KHDRBS2: variants seen among roughly 807,000 people sequenced by gnomAD.
KHDRBS2 encodes KH domain-containing, RNA-binding, signal transduction-associated protein 2.
KHDRBS2 carries 26 observed loss-of-function variants against 44.3 expected under a neutral mutation model. That is an observed-to-expected ratio of 0.59 (90% confidence interval 0.43 to 0.81). KHDRBS2 has a LOEUF of 0.81. Among genes scored for constraint, KHDRBS2 ranks in the 40% least tolerant of loss-of-function variants. KHDRBS2 has a pLI of 0.00. For missense variants in KHDRBS2, 476 were observed against 433.1 expected (o/e 1.10, Z -0.88); for synonymous variants, 194 against 151.1 (o/e 1.28, Z -2.08).
chr6:61,965,078 G>A (rs377490609), intron 4 of KHDRBS2, among the ~76,000 whole-genome samples: 5 of 152,166 alleles, frequency 3.3e-5, no homozygotes, highest in African/African-American at 1.2e-4. Flanking sequence ...TTGGAAAAGA[G>A]GAGTTTGATG....
intron 7 of KHDRBS2, among the ~76,000 whole-genome samples, chr6:61,720,154 C>T (rs1261000939): frequency 6.6e-6 from 1 of 152,164 alleles, no homozygotes; most frequent in Non-Finnish European, 1.5e-5. Flanking sequence ...ATATGTGCCA[C>T]GTTTTCTTAA....
rs1281653497 is a variant in KHDRBS2, at chr6:61,894,698, C to G, written c.747G>C (p.Gly249=). The G allele has an allele frequency of 1.2e-6, 2 of 1,613,248 alleles. No homozygotes were observed. ...ARGVPTPRAR[G]APTVPGYRAP... is the part of the protein sequence containing the mutation. ...CCCTGTATCCTGGCACTGTTGGTGC[C>G]CCCCGGGCTCGAGGGGTAGGGACAC... Residue 249 remains glycine, a synonymous_variant, in exon 6 of 9, where the codon GGG becomes GGC. Transcript: ENST00000281156.
chr6:62,050,819 T>C (rs1376921630), intron 2 of KHDRBS2, among the ~76,000 whole-genome samples: 2 of 152,034 alleles, frequency 1.3e-5, no homozygotes, highest in Non-Finnish European at 2.9e-5. Flanking sequence ...TAAAAACATA[T>C]GTTCATAAAA....
In KHDRBS2 at chr6:61,929,665, G is replaced by T. The variant is rs140029335; in HGVS notation, c.484-28294C>A. On this transcript the variant is annotated intron_variant, in intron 4 of 8. Transcript: ENST00000281156. Reference sequence around the variant, plus strand: ...ATGCACTAGTTTAGTATGACCCTCTGATGTTATTAAGTTCCTGAAATATAA... The same window carrying T: ...ATGCACTAGTTTAGTATGACCCTCTTATGTTATTAAGTTCCTGAAATATAA... Among the ~76,000 whole-genome samples the T allele has an allele frequency of 2.5e-3, 377 of 152,200 alleles. 3 individuals are homozygous for T. Among genetic ancestry groups the T allele is most frequent in the African/African-American group, 8.5e-3 (351 of 41,514 alleles).
chr6:61,896,343 T>C (rs1172555957), intron 5 of KHDRBS2, among the ~76,000 whole-genome samples: 2 of 152,208 alleles, frequency 1.3e-5, no homozygotes, highest in African/African-American at 4.8e-5. Context: ...TACCCTTGAA[T>C]AGTCATGGGT....
At chr6:61,768,006 C>T (rs1780258955) in intron 6 of KHDRBS2, among the ~76,000 whole-genome samples, 1 of 152,038 alleles carries the variant, frequency 6.6e-6, no homozygotes, top group African/African-American at 2.4e-5. Context: ...TTGGTAAAGT[C>T]CTTTTCTTTC....
At chr6:62,041,356 A>G (rs1786468615) in intron 3 of KHDRBS2, among the ~76,000 whole-genome samples, 1 of 152,120 alleles carries the variant, frequency 6.6e-6, no homozygotes, top group Non-Finnish European at 1.5e-5. Flanking sequence ...AAAAAATTTC[A>G]GATCAGCAGT....
At chr6:61,728,233 A>G (rs1171341320) in intron 7 of KHDRBS2, among the ~76,000 whole-genome samples, 1 of 152,112 alleles carries the variant, frequency 6.6e-6, no homozygotes, top group Non-Finnish European at 1.5e-5. Flanking sequence ...CGGGGAGCTA[A>G]ATGATGAGAA....
intron 2 of KHDRBS2, among the ~76,000 whole-genome samples, chr6:62,073,683 C>G (rs1795755659): frequency 6.6e-6 from 1 of 151,294 alleles, no homozygotes; most frequent in Non-Finnish European, 1.5e-5. Context: ...TTAATATAGG[C>G]ATTTATTGTG....
chr6:62,188,910 T>A (rs1824012975), intron 1 of KHDRBS2, among the ~76,000 whole-genome samples: 2 of 152,138 alleles, frequency 1.3e-5, no homozygotes, highest in Admixed American at 1.3e-4. Context: ...GGTCAGGAGT[T>A]CAAAACCTGC....
chr6:61,854,517 A>T (rs1216351625), intron 6 of KHDRBS2, among the ~76,000 whole-genome samples: 1 of 152,160 alleles, frequency 6.6e-6, no homozygotes, highest in Admixed American at 6.6e-5. Context: ...AAAATGTTTT[A>T]AAAAAGCACA....
chr6:62,027,772 G>A (rs1185395245), intron 3 of KHDRBS2, among the ~76,000 whole-genome samples: 2 of 152,056 alleles, frequency 1.3e-5, no homozygotes, highest in African/African-American at 4.8e-5. Context: ...GTGGTGGGAG[G>A]GTGCCGTGCC....
intron 2 of KHDRBS2, among the ~76,000 whole-genome samples, chr6:62,127,340 C>A (rs931799674): frequency 1.3e-5 from 2 of 151,886 alleles, no homozygotes; most frequent in East Asian, 1.9e-4. Context: ...ATAAAAAAAA[C>A]AAACTTTGGC....
intron 6 of KHDRBS2, among the ~76,000 whole-genome samples, chr6:61,745,763 GTT>G (rs1175641696): frequency 6.6e-6 from 1 of 152,140 alleles, no homozygotes; most frequent in African/African-American, 2.4e-5. Context: ...GAGGAGAGTT[GTT>G]GTTTCTAAAA....
At chr6:61,893,583 G>A (rs1430702481) in intron 6 of KHDRBS2, among the ~76,000 whole-genome samples, 2 of 152,144 alleles carry the variant, frequency 1.3e-5, no homozygotes, top group African/African-American at 4.8e-5. Flanking sequence ...AAAATGATGA[G>A]TTCATGTCCT....
Position 61,901,236 on chromosome 6 carries a change from G to A in KHDRBS2, c.611+8C>T. Reference sequence around the variant, plus strand: ...TCCTTAATTTATTTAAAGTAAGAATGAATGTACCTTGAAGGAGCTGTGGGA... The same window carrying A: ...TCCTTAATTTATTTAAAGTAAGAATAAATGTACCTTGAAGGAGCTGTGGGA... On this transcript the variant is annotated splice_region_variant and intron_variant, in intron 5 of 8. Coordinates refer to ENST00000281156, the MANE Select transcript of KHDRBS2 (RefSeq NM_152688.4). The A allele has an allele frequency of 6.2e-7, 1 of 1,601,126 alleles. No homozygotes were observed.
chr6:61,667,423 TAAG>T, the KHDRBS2 span, among the ~76,000 whole-genome samples: 10 of 151,236 alleles, frequency 6.6e-5, no homozygotes, highest in Non-Finnish European at 1.3e-4. Context: ...AAACAGTACA[TAAG>T]AAGTATTTTA....
the KHDRBS2 span, among the ~76,000 whole-genome samples, chr6:61,562,193 G>A: frequency 2.0e-5 from 3 of 152,074 alleles, no homozygotes; most frequent in South Asian, 4.1e-4. Context: ...TAGGAAAATC[G>A]ACAGTCTGTG....
chr6:61,699,625 G>A (rs1768339815), intron 7 of KHDRBS2, among the ~76,000 whole-genome samples: 1 of 151,948 alleles, frequency 6.6e-6, no homozygotes, highest in Non-Finnish European at 1.5e-5. Context: ...ATCCCACAAA[G>A]CAATTCCATA....
Sources: allele counts gnomAD v4.1 joint callset (sites outside exome capture counted in the v4.1 genomes callset), GRCh38; gene constraint gnomAD v4.1.1; transcripts MANE v1.5; gene names NCBI Gene and HGNC (gene_info 2026-07-23, HGNC 2026-07-21).